DNER: variants seen among roughly 807,000 people sequenced by gnomAD.
The protein encoded by DNER is delta and Notch-like epidermal growth factor-related receptor.
A neutral mutation model predicts 78.2 loss-of-function variants in DNER; 33 were observed. The observed-to-expected ratio is 0.42, with a 90% CI of 0.32 to 0.56. The LOEUF is 0.56. DNER is among the 20% of genes least tolerant of loss of function. The pLI is 0.11. For synonymous variants in DNER, 417 were observed against 384.8 expected, an observed-to-expected ratio of 1.08 and a Z score of -0.98; for missense variants, 918 against 975.3, an observed-to-expected ratio of 0.94 and a Z score of 0.78.
chr2:229,425,340 C>G (rs921328921), intron 8 of DNER, among the ~76,000 whole-genome samples: 53 of 152,252 alleles, frequency 3.5e-4, no homozygotes, highest in African/African-American at 1.2e-3. Flanking sequence ...CCCTATGAAG[C>G]CTCCAGCCAC....
At chr2:229,698,549 C>T (rs1334415896) in intron 1 of DNER, among the ~76,000 whole-genome samples, 2 of 152,138 alleles carry the variant, frequency 1.3e-5, no homozygotes, top group Non-Finnish European at 2.9e-5. Context: ...ATAAAATCGA[C>T]TTGTGATTTT....
Position 229,426,662 on chromosome 2 carries a change from A to G in DNER, c.1487-8432T>C, listed in dbSNP as rs543526305. Among the ~76,000 whole-genome samples the G allele has an allele frequency of 8.5e-5, 13 of 152,126 alleles. No individual in the cohort carries two copies. The South Asian group carries it at 1.9e-3, about 22-fold the overall frequency. ...TGTGTGTGAGTGAGTGTGTGCATCT[A>G]TCTCCCTTAGCCTCTCTTGTTGCTG... On this transcript the variant is annotated intron_variant, in intron 8 of 12. Transcript: ENST00000341772.
chr2:229,576,320 TTC>T (rs1559171740), intron 4 of DNER, among the ~76,000 whole-genome samples: 1 of 136,508 alleles, frequency 7.3e-6, no homozygotes, highest in Non-Finnish European at 1.5e-5. Flanking sequence ...TGATGAAAGT[TTC>T]TCTCTCTTTT....
chr2:229,423,336 C>T (rs112733553), intron 8 of DNER, among the ~76,000 whole-genome samples: 2,285 of 152,120 alleles, frequency 0.015, 63 homozygotes, highest in African/African-American at 0.051. Context: ...AGTTTTAAGC[C>T]GGGCACAGTG....
rs1698347065 is a variant in DNER at position 229,626,482 on chromosome 2, CA to C, written c.277-34595del. On this transcript the variant is annotated intron_variant, in intron 1 of 12. Transcript: ENST00000341772. ...CCCATGTGCTTATACAACCATTATT[CA>C]AACATATTACCAGAAGTAGTTACAG... 2.0e-5 allele frequency among the ~76,000 whole-genome samples: 3 copies of C among 152,292 alleles called. No individual in the cohort carries two copies. The South Asian group carries it at 6.2e-4, about 32-fold the overall frequency.
intron 1 of DNER, among the ~76,000 whole-genome samples, chr2:229,677,534 C>T (rs1376869128): frequency 6.6e-6 from 1 of 152,202 alleles, no homozygotes. Flanking sequence ...CCTCTCACAA[C>T]TCTGGGCAGC....
At chr2:229,359,316 G>A (rs1034619269) in intron 12 of DNER, among the ~76,000 whole-genome samples, 17 of 152,218 alleles carry the variant, frequency 1.1e-4, no homozygotes, top group Non-Finnish European at 2.2e-4. Flanking sequence ...TATCAAAATT[G>A]CCTCGACAGC....
chr2:229,408,799 G>C (rs546803821), intron 9 of DNER, among the ~76,000 whole-genome samples: 144 of 152,308 alleles, frequency 9.5e-4, no homozygotes, highest in African/African-American at 3.2e-3. Flanking sequence ...GCCAGGTAAA[G>C]CTCAAATTTT....
chr2:229,531,665 A>G (rs1181554246), intron 5 of DNER, among the ~76,000 whole-genome samples: 2 of 152,218 alleles, frequency 1.3e-5, no homozygotes, highest in Non-Finnish European at 2.9e-5. Context: ...TTAGGTATTC[A>G]CCCAAAAGAA....
intron 5 of DNER, among the ~76,000 whole-genome samples, chr2:229,527,505 C>G (rs1469421581): frequency 6.6e-6 from 1 of 152,100 alleles, no homozygotes; most frequent in African/African-American, 2.4e-5. Context: ...GAAAGCCATG[C>G]CTTTATTATA....
At chr2:229,709,948 C>T (rs1284681329) in intron 1 of DNER, among the ~76,000 whole-genome samples, 1 of 152,188 alleles carries the variant, frequency 6.6e-6, no homozygotes, top group Non-Finnish European at 1.5e-5. Context: ...GCCACTGCCA[C>T]CTCTGATACC....
intron 9 of DNER, 146 bp from the exon 10 acceptor site, chr2:229,407,491 A>G (rs915392758): frequency 8.2e-5 from 45 of 550,988 alleles, no homozygotes; most frequent in Middle Eastern, 4.9e-4. Context: ...ACACGTGCCC[A>G]CTCATGATTT....
chr2:229,714,498 T>A lies in DNER; in HGVS notation c.-75A>T. On this transcript the variant is annotated 5_prime_UTR_variant, in exon 1 of 13. Coordinates refer to ENST00000341772, the MANE Select transcript of DNER (RefSeq NM_139072.4). ...CGGCGGTGGCAGTGGCGACGAGAGC[T>A]GCGAGAGCGACGGTGGCGGCTAGGG... 1 of 1,073,214 alleles carries A rather than the reference T, an allele frequency of 9.3e-7. No homozygotes were observed. The highest frequency in any genetic ancestry group is 1.1e-6 in the Non-Finnish European group (1 of 888,944). The allele number at this position is 1,073,214 out of a possible 1,614,324, so 66.5% of individuals were successfully genotyped here.
In DNER at chr2:229,512,836, A is replaced by G; in HGVS notation, c.1094T>C (p.Ile365Thr). The G allele has an allele frequency of 6.2e-7, 1 of 1,614,212 alleles. No individual in the cohort carries two copies. The highest frequency in any genetic ancestry group is 8.5e-7 in the Non-Finnish European group (1 of 1,180,028). ...RKPCQNNASC[I>T]DANEKQDGSN... ...CCCATCTTGCTTTTCATTTGCATCA[A>G]TACAGCTCGCGTTGTTTTGGCAAGG... The change falls in exon 6 of 13, where the codon ATT becomes ACT. Residue 365 changes from isoleucine (I) to threonine (T), a missense_variant. Physicochemically the swap from Ile to Thr is moderately conservative, Grantham distance 89 (BLOSUM62 -1). Transcript: ENST00000341772.
At chr2:229,629,349 C>T (rs1388249302) in intron 1 of DNER, among the ~76,000 whole-genome samples, 1 of 152,192 alleles carries the variant, frequency 6.6e-6, no homozygotes, top group Non-Finnish European at 1.5e-5. Context: ...GAACAAAACT[C>T]TTACATATGA....
At chr2:229,685,992 C>T (rs1227184440) in intron 1 of DNER, among the ~76,000 whole-genome samples, 8 of 151,932 alleles carry the variant, frequency 5.3e-5, no homozygotes, top group South Asian at 2.1e-4. Context: ...GGGAGTTTTT[C>T]GTGACAGGAT....
intron 4 of DNER, among the ~76,000 whole-genome samples, chr2:229,575,714 T>C (rs756626242): frequency 6.6e-6 from 1 of 152,114 alleles, no homozygotes; most frequent in Non-Finnish European, 1.5e-5. Flanking sequence ...GACAGACGTA[T>C]CCAGAATGGA....
intron 4 of DNER, chr2:229,580,141 A>T (rs1231032931): frequency 6.6e-6 from 1 of 152,076 alleles, no homozygotes; most frequent in Non-Finnish European, 1.5e-5. Context: ...TAGAGCTCCC[A>T]GGAGGCTCAG....
intron 5 of DNER, among the ~76,000 whole-genome samples, chr2:229,538,306 C>A (rs13391903): frequency 6.6e-6 from 1 of 152,156 alleles, no homozygotes; most frequent in Non-Finnish European, 1.5e-5. Context: ...AAATGTTTAA[C>A]GAACACTGTC....
Sources: allele counts gnomAD v4.1 joint callset (sites outside exome capture counted in the v4.1 genomes callset), GRCh38; gene constraint gnomAD v4.1.1; transcripts MANE v1.5; gene names NCBI Gene and HGNC (gene_info 2026-07-23, HGNC 2026-07-21).